Variants in ADAMTSL1 observed in about 807,000 individuals in gnomAD.
The protein encoded by ADAMTSL1 is ADAMTS like 1.
ADAMTSL1 carries 126 observed loss-of-function variants against 201.8 expected under a neutral mutation model. The ratio of observed to expected loss-of-function variants is 0.62; its 90% CI spans 0.54 to 0.72. ADAMTSL1 has a LOEUF of 0.72. Ranked by LOEUF, ADAMTSL1 falls within the 30% of genes least tolerant of loss-of-function variation. ADAMTSL1 has a pLI of 0.00. For missense variants in ADAMTSL1, 2,679 were observed against 2,277.8 expected (o/e 1.18, Z -3.59); for synonymous variants, 1,121 against 903.4 (o/e 1.24, Z -4.32).
intron 1 of ADAMTSL1, among the ~76,000 whole-genome samples, chr9:18,066,428 G>A (rs1822705900): frequency 6.6e-6 from 1 of 152,132 alleles, no homozygotes; most frequent in Non-Finnish European, 1.5e-5. Flanking sequence ...TGACTTAAAA[G>A]TATCTAAAAT....
chr9:18,467,465 A>G (rs1038132982), intron 2 of ADAMTSL1, among the ~76,000 whole-genome samples: 1 of 152,226 alleles, frequency 6.6e-6, no homozygotes, highest in African/African-American at 2.4e-5. Flanking sequence ...TATATTAAAA[A>G]TAAAACAATG....
chr9:18,264,023 G>C (rs557352826), intron 2 of ADAMTSL1, among the ~76,000 whole-genome samples: 1 of 152,176 alleles, frequency 6.6e-6, no homozygotes, highest in East Asian at 1.9e-4. Context: ...ATCTATCTAT[G>C]CATTAAATGC....
intron 1 of ADAMTSL1, among the ~76,000 whole-genome samples, chr9:18,090,241 C>G (rs1190320685): frequency 1.3e-5 from 2 of 152,138 alleles, no homozygotes; most frequent in African/African-American, 2.4e-5. Flanking sequence ...CAGGATTCCA[C>G]TCCTAGGTAT....
At chr9:18,572,905 G>A (rs1052069687) in intron 3 of ADAMTSL1, among the ~76,000 whole-genome samples, 1 of 152,256 alleles carries the variant, frequency 6.6e-6, no homozygotes, top group Non-Finnish European at 1.5e-5. Context: ...GAGAGTCGAC[G>A]ACAGTCTTCC....
In ADAMTSL1 at chr9:18,892,733, G is replaced by T. The variant is rs189789201; in HGVS notation, c.4851+137G>T. 4 of 1,046,360 alleles carry T rather than the reference G, an allele frequency of 3.8e-6. No homozygotes were observed. The South Asian group carries it at 4.9e-5, about 13-fold the overall frequency. 64.8% of individuals were successfully genotyped at this position (1,046,360 alleles called of 1,614,324 possible). A position where few individuals can be genotyped will look rare whatever the true frequency, so the allele number is the denominator to read the frequency against. ...TGATTGGCCAGGCATAGCTTTTGTGGGTTGTCCAGCTGAGACACCCCCAGA... is the reference window on the plus strand; with the variant it reads ...TGATTGGCCAGGCATAGCTTTTGTGTGTTGTCCAGCTGAGACACCCCCAGA... On this transcript the variant is annotated intron_variant, in intron 26 of 28. Transcript: ENST00000380548.
chr9:18,297,588 G>A (rs560321193), intron 2 of ADAMTSL1, among the ~76,000 whole-genome samples: 1 of 152,154 alleles, frequency 6.6e-6, no homozygotes, highest in Non-Finnish European at 1.5e-5. Context: ...CTCCGTAAAA[G>A]GTCATGTGCT....
intron 2 of ADAMTSL1, among the ~76,000 whole-genome samples, chr9:18,267,781 C>CAAAAA (rs1331435629): frequency 4.3e-5 from 6 of 138,722 alleles, no homozygotes; most frequent in African/African-American, 1.1e-4. Flanking sequence ...AAAACAAAAA[C>CAAAAA]AAAAACAAAA....
intron 2 of ADAMTSL1, among the ~76,000 whole-genome samples, chr9:18,235,360 C>T (rs1465548462): frequency 6.6e-6 from 1 of 152,104 alleles, no homozygotes; most frequent in African/African-American, 2.4e-5. Flanking sequence ...ATCAAAGGTA[C>T]CTGCTATCAA....
At chr9:18,101,708 G>A (rs182113881) in intron 1 of ADAMTSL1, among the ~76,000 whole-genome samples, 3 of 152,242 alleles carry the variant, frequency 2.0e-5, no homozygotes, top group Admixed American at 1.3e-4. Context: ...ATAAGGCACC[G>A]TAGATAATTA....
intron 1 of ADAMTSL1, among the ~76,000 whole-genome samples, chr9:18,065,268 G>A (rs956981696): frequency 6.6e-6 from 1 of 152,064 alleles, no homozygotes; most frequent in African/African-American, 2.4e-5. Flanking sequence ...ACACAGAGAT[G>A]GAATAAGCTA....
At chr9:18,796,147 A>G (rs1186213810) in intron 20 of ADAMTSL1, among the ~76,000 whole-genome samples, 1 of 152,198 alleles carries the variant, frequency 6.6e-6, no homozygotes, top group Non-Finnish European at 1.5e-5. Flanking sequence ...CTTGTAGTAA[A>G]AGACATGTAG....
chr9:18,047,171 G>A (rs970294420), intron 1 of ADAMTSL1, among the ~76,000 whole-genome samples: 1 of 152,094 alleles, frequency 6.6e-6, no homozygotes, highest in African/African-American at 2.4e-5. Flanking sequence ...CTAGTTATTT[G>A]CACACAGAAA....
intron 7 of ADAMTSL1, among the ~76,000 whole-genome samples, chr9:18,656,758 G>A (rs1288020704): frequency 2.6e-5 from 4 of 150,966 alleles, no homozygotes; most frequent in East Asian, 1.9e-4. Flanking sequence ...CCTCTCAATT[G>A]TCCTTGGAAC....
intron 7 of ADAMTSL1, among the ~76,000 whole-genome samples, chr9:18,639,772 AAACT>A (rs1238220558): frequency 6.6e-6 from 1 of 152,148 alleles, no homozygotes. Context: ...AGAGAAAAAC[AAACT>A]AATTATCCAT....
intron 13 of ADAMTSL1, among the ~76,000 whole-genome samples, chr9:18,699,857 T>G (rs188913689): frequency 6.6e-6 from 1 of 152,304 alleles, no homozygotes; most frequent in East Asian, 1.9e-4. Flanking sequence ...ACTTGAGGAT[T>G]TGAGAAATCT....
At chr9:17,949,673 C>G (rs1465571858) in intron 1 of ADAMTSL1, among the ~76,000 whole-genome samples, 5 of 152,082 alleles carry the variant, frequency 3.3e-5, no homozygotes, top group Admixed American at 2.6e-4. Flanking sequence ...TAGTAGAAAC[C>G]TGAGGCCCTT....
At chr9:17,960,608 C>T (rs1817707134) in intron 1 of ADAMTSL1, among the ~76,000 whole-genome samples, 1 of 152,098 alleles carries the variant, frequency 6.6e-6, no homozygotes, top group Admixed American at 6.6e-5. Context: ...ACCACTGTAC[C>T]CGGTATGGGT....
chr9:18,317,393 AACACACACAC>A (rs57642851), intron 2 of ADAMTSL1, among the ~76,000 whole-genome samples: 2 of 149,044 alleles, frequency 1.3e-5, no homozygotes, highest in East Asian at 2.0e-4. Flanking sequence ...AAGTGTCCTC[AACACACACAC>A]ACACACACAC....
chr9:17,970,289 AC>A (rs1033552336), intron 1 of ADAMTSL1, among the ~76,000 whole-genome samples: 1 of 151,726 alleles, frequency 6.6e-6, no homozygotes, highest in Admixed American at 6.6e-5. Flanking sequence ...CCTCAAAACT[AC>A]CCCCTCCTAT....
Sources: gnomAD v4.1 joint callset for allele counts (sites outside exome capture counted in the v4.1 genomes callset) on GRCh38, gnomAD v4.1.1 for gene constraint, MANE v1.5 for transcripts, NCBI Gene and HGNC (gene_info 2026-07-23, HGNC 2026-07-21) for gene names.